The following ADAM28 variants were observed in gnomAD, a reference collection of about 807,000 sequenced individuals.
ADAM28 encodes disintegrin and metalloproteinase domain-containing protein 28.
ADAM28 carries 105 observed loss-of-function variants against 101.2 expected under a neutral mutation model. That is an observed-to-expected ratio of 1.04 (90% confidence interval 0.89 to 1.22). ADAM28 has a LOEUF of 1.22. Ranked by LOEUF, ADAM28 falls within the 50% of genes most tolerant of loss-of-function variation. The pLI, the probability that ADAM28 is intolerant of heterozygous loss-of-function variation, is 0.00. For synonymous variants in ADAM28, 322 were observed against 310.6 expected (o/e 1.04, Z -0.39); for missense variants, 1,028 against 945.4 (o/e 1.09, Z -1.15).
chr8:24,343,469 C>G, intron 17 of ADAM28, 37 bp from the exon 18 acceptor site: 1 of 1,600,466 alleles, frequency 6.2e-7, no homozygotes, highest in Non-Finnish European at 8.6e-7. Flanking sequence ...TTCTGGTCAG[C>G]CTAGCGGGGA....
chr8:24,351,390 A>G (rs773599519), intron 20 of ADAM28, 80 bp downstream of exon 20: 134 of 1,389,252 alleles, frequency 9.6e-5, no homozygotes, highest in Non-Finnish European at 1.2e-4. Flanking sequence ...CTACCTATCT[A>G]TCATTTCTAC....
chr8:24,331,222 A>T lies in ADAM28; in HGVS notation c.1176A>T (p.Ser392=), dbSNP rs765290754. 6.2e-7 allele frequency: 1 copy of T among 1,613,536 alleles called. No homozygotes were observed. The highest frequency in any genetic ancestry group is 2.2e-5 in the East Asian group (1 of 44,852). The change falls in exon 12 of 23, where the codon TCA becomes TCT. Residue 392 remains serine, a synonymous_variant. Transcript: ENST00000265769. ...SYDKFFEDKL[S]NCLFNAPLPT... ...ACAAGTTTTTTGAAGATAAATTATC[A>T]AATTGCCTCTTTAATGCTCCATTGC... is the stretch of plus-strand genomic sequence containing the variant.
chr8:24,334,663 A>G (rs1813783968), intron 13 of ADAM28, among the ~76,000 whole-genome samples: 1 of 152,206 alleles, frequency 6.6e-6, no homozygotes, highest in Admixed American at 6.5e-5. Context: ...ACATGCTTGC[A>G]TGGAAATTTG....
intron 19 of ADAM28, among the ~76,000 whole-genome samples, chr8:24,350,922 G>A (rs1041006592): frequency 1.3e-5 from 2 of 149,840 alleles, no homozygotes; most frequent in Non-Finnish European, 3.0e-5. Flanking sequence ...ATTTACTCAT[G>A]ATGAGTTTTT....
At position 24,339,368 on chromosome 8, in the gene ADAM28, G is replaced by T. The variant is rs138261281; in HGVS notation, c.1568-98G>T. The T allele has an allele frequency of 1.1e-5, 9 of 853,918 alleles. No individual in the cohort carries two copies. The South Asian group carries it at 1.2e-4, about 12-fold the overall frequency. The allele number at this position is 853,918 out of a possible 1,614,324, so 52.9% of individuals were successfully genotyped here. ...TTGCTTGTTTTATATTTTATAAATC[G>T]CTTTCCAGCACTGAATCTTTAAAAT... On this transcript the variant is annotated intron_variant, in intron 14 of 22. Transcript: ENST00000265769.
intron 6 of ADAM28, among the ~76,000 whole-genome samples, chr8:24,315,954 A>G (rs1811104506): frequency 6.6e-6 from 1 of 151,978 alleles, no homozygotes; most frequent in Non-Finnish European, 1.5e-5. Flanking sequence ...AAAGTTTAAC[A>G]TGCTTTCTTG....
chr8:24,305,592 AG>A (rs1193329818), intron 2 of ADAM28, among the ~76,000 whole-genome samples: 1 of 151,666 alleles, frequency 6.6e-6, no homozygotes. Context: ...ATACTTGCAA[AG>A]CACATTAATT....
At chr8:24,350,471 C>T (rs1241542760) in intron 19 of ADAM28, among the ~76,000 whole-genome samples, 1 of 151,888 alleles carries the variant, frequency 6.6e-6, no homozygotes, top group African/African-American at 2.4e-5. Flanking sequence ...ACCACCACAC[C>T]GGGTTATTTT....
At chr8:24,348,301 C>T (rs62498252) in intron 18 of ADAM28, among the ~76,000 whole-genome samples, 14,895 of 152,148 alleles carry the variant, frequency 0.098, 946 homozygotes, top group East Asian at 0.24. Flanking sequence ...AGACAGTTGA[C>T]ATATACCCAG....
intron 19 of ADAM28, among the ~76,000 whole-genome samples, chr8:24,350,452 C>T (rs1018892411): frequency 2.6e-5 from 4 of 152,014 alleles, no homozygotes; most frequent in African/African-American, 9.7e-5. Flanking sequence ...TCTGGGATTA[C>T]ATGCACATAC....
chr8:24,315,656 T>TTACAAGCCCAGCATTACC (rs1811067762), intron 6 of ADAM28, among the ~76,000 whole-genome samples: 1 of 151,914 alleles, frequency 6.6e-6, no homozygotes, highest in South Asian at 2.1e-4. Context: ...TTAGTACTTG[T>TTACAAGCCCAGCATTACC]TACAAGCCCA....
intron 18 of ADAM28, among the ~76,000 whole-genome samples, chr8:24,345,237 T>G (rs1199992537): frequency 6.6e-6 from 1 of 152,022 alleles, no homozygotes; most frequent in East Asian, 1.9e-4. Flanking sequence ...AGGATTTGCT[T>G]TTTTCTTCCA....
chr8:24,302,519 G>A (rs1350926388), intron 2 of ADAM28, among the ~76,000 whole-genome samples: 5 of 152,204 alleles, frequency 3.3e-5, no homozygotes, highest in East Asian at 3.8e-4. Flanking sequence ...TTGCCACACC[G>A]TCTTCCACAA....
Position 24,355,662 on chromosome 8 carries a change from A to AAGATAAGATAGAT in ADAM28, c.*1263_*1264insAGATAGATAGATA, listed in dbSNP as rs1554524405. 1 of 151,782 alleles carries AAGATAAGATAGAT rather than the reference A, an allele frequency of 6.6e-6. No individual in the cohort carries two copies. The highest frequency in any genetic ancestry group is 1.5e-5 in the Non-Finnish European group (1 of 67,940). The allele number at this position is 151,782 out of a possible 1,614,324, so 9.4% of individuals were successfully genotyped here. On this transcript the variant is annotated 3_prime_UTR_variant, in exon 23 of 23. Transcript: ENST00000265769. ...CACACGGTGATTATGAAGGCTGAAA[A>AAGATAAGATAGAT]AGATAGATAGAGCAGAAAGATGAAA...
In ADAM28 at chr8:24,356,645, A is replaced by T. The variant is rs925398457; in HGVS notation, c.*2241A>T. The T allele has an allele frequency of 3.3e-5, 5 of 152,134 alleles. No homozygotes were observed. Among genetic ancestry groups the T allele is most frequent in the African/African-American group, 1.2e-4 (5 of 41,442 alleles). 9.4% of individuals were successfully genotyped at this position (152,134 alleles called of 1,614,324 possible). A position where few individuals can be genotyped will look rare whatever the true frequency, so the allele number is the denominator to read the frequency against. On this transcript the variant is annotated 3_prime_UTR_variant, in exon 23 of 23. Transcript: ENST00000265769. Reference sequence around the variant, plus strand: ...TTTGATTTCACAATACTGTTTCCACACTTACTTATATCCGTAACTTTCTAA... The same window carrying T: ...TTTGATTTCACAATACTGTTTCCACTCTTACTTATATCCGTAACTTTCTAA...
chr8:24,339,431 A>G, intron 14 of ADAM28, 35 bp from the exon 15 acceptor site: 2 of 1,518,858 alleles, frequency 1.3e-6, no homozygotes, highest in Non-Finnish European at 1.8e-6. Flanking sequence ...TCAAAAATCT[A>G]TTTTCTTTTC....
In ADAM28 at chr8:24,358,964, C is replaced by A. The variant is rs1816846594; in HGVS notation, c.*4560C>A. The A allele has an allele frequency of 6.6e-6, 1 of 152,116 alleles. No individual in the cohort carries two copies. Among genetic ancestry groups the A allele is most frequent in the African/African-American group, 2.4e-5 (1 of 41,428 alleles). 9.4% of individuals were successfully genotyped at this position (152,116 alleles called of 1,614,324 possible). On this transcript the variant is annotated 3_prime_UTR_variant, in exon 23 of 23. Coordinates refer to ENST00000265769, the MANE Select transcript of ADAM28 (RefSeq NM_014265.6). Reference sequence around the variant, plus strand: ...CTATTTGTTACTTTAAATAGTTTGACAATGTTATTTTAAAATCTGGACAAA... The same window carrying A: ...CTATTTGTTACTTTAAATAGTTTGAAAATGTTATTTTAAAATCTGGACAAA...
At chr8:24,310,056 C>T (rs1810243262) in intron 3 of ADAM28, 86 bp downstream of exon 3, 2 of 1,488,182 alleles carry the variant, frequency 1.3e-6, no homozygotes, top group Non-Finnish European at 1.9e-6. Flanking sequence ...GCTTATGGCT[C>T]ACACAAACCT....
At chr8:24,301,105 G>A (rs1435626372) in intron 2 of ADAM28, among the ~76,000 whole-genome samples, 4 of 152,116 alleles carry the variant, frequency 2.6e-5, no homozygotes, top group Admixed American at 2.0e-4. Context: ...ACAAATAATA[G>A]TTTACAGAAA....
Sources: allele counts gnomAD v4.1 joint callset (sites outside exome capture counted in the v4.1 genomes callset), GRCh38; gene constraint gnomAD v4.1.1; transcripts MANE v1.5; gene names NCBI Gene and HGNC (gene_info 2026-07-23, HGNC 2026-07-21).